Variants in EPHA6 observed in about 807,000 individuals in gnomAD.
EPHA6 encodes ephrin type-A receptor 6.
Under a neutral mutation model 112.0 loss-of-function variants are expected in EPHA6, and 50 were observed. The observed-to-expected ratio is 0.45, with a 90% CI of 0.36 to 0.56. The LOEUF is 0.56. Ranked by LOEUF, EPHA6 falls within the 20% of genes least tolerant of loss-of-function variation. The probability of loss-of-function intolerance (pLI) is 0.00; values close to 1 mark genes in which losing one functional copy is unlikely to be tolerated. For synonymous variants in EPHA6, 529 were observed against 490.7 expected, an observed-to-expected ratio of 1.08 and a Z score of -1.03; for missense variants, 1,280 against 1,417.4, an observed-to-expected ratio of 0.90 and a Z score of 1.56.
rs1214540454 is a variant in EPHA6 at position 97,179,761 on chromosome 3, C to CTCTCTT, written c.1115-46503_1115-46502insTCTCTT. Among the ~76,000 whole-genome samples the CTCTCTT allele has an allele frequency of 1.7e-3, 248 of 142,760 alleles. 2 individuals are homozygous for CTCTCTT. In the Middle Eastern group the frequency reaches 0.019, roughly 11 times the overall value. The allele number at this position is 142,760 out of a possible 152,430, so 93.7% of individuals were successfully genotyped here. A position where few individuals can be genotyped will look rare whatever the true frequency, so the allele number is the denominator to read the frequency against. Reference sequence around the variant, plus strand: ...TCTCTCTCTCTCTCTCTCTCTCTCTCCTGAACCACTTAAAGCTGGAGGTGG... The same window carrying CTCTCTT: ...TCTCTCTCTCTCTCTCTCTCTCTCTCTCTCTTCTGAACCACTTAAAGCTGGAGGTGG... On this transcript the variant is annotated intron_variant, in intron 3 of 17. Transcript: ENST00000389672.
chr3:97,066,221 A>C (rs1456235767), intron 3 of EPHA6, among the ~76,000 whole-genome samples: 1 of 152,046 alleles, frequency 6.6e-6, no homozygotes, highest in Non-Finnish European at 1.5e-5. Context: ...CATAGGCCTG[A>C]TAGAATATTT....
intron 3 of EPHA6, among the ~76,000 whole-genome samples, chr3:96,991,635 C>T (rs144612090): frequency 3.3e-4 from 51 of 152,300 alleles, no homozygotes; most frequent in African/African-American, 1.2e-3. Context: ...TCTCTGGATT[C>T]TCCTGATTAA....
In EPHA6 at chr3:97,141,586, C is replaced by A. The variant is rs538287163; in HGVS notation, c.1115-84678C>A. Among the ~76,000 whole-genome samples the A allele has an allele frequency of 6.6e-5, 10 of 152,056 alleles. No homozygotes were observed. The East Asian group carries it at 1.7e-3, about 26-fold the overall frequency. ...AACTAAGCAGATTGCTTCTGAATGACTTTTTGGTAAATGATGAAATTAAAT... is the reference window on the plus strand; with the variant it reads ...AACTAAGCAGATTGCTTCTGAATGAATTTTTGGTAAATGATGAAATTAAAT... On this transcript the variant is annotated intron_variant, in intron 3 of 17. Transcript: ENST00000389672.
chr3:97,399,011 A>G (rs1413965623), intron 5 of EPHA6, among the ~76,000 whole-genome samples: 1 of 151,570 alleles, frequency 6.6e-6, no homozygotes, highest in South Asian at 2.1e-4. Context: ...CTTATTAGCT[A>G]TAGTCACCTA....
At chr3:97,624,438 T>C (rs1446539764) in intron 13 of EPHA6, among the ~76,000 whole-genome samples, 10 of 151,638 alleles carry the variant, frequency 6.6e-5, no homozygotes, top group African/African-American at 2.2e-4. Context: ...AACATGCTGC[T>C]GAATTCCATC....
chr3:96,975,317 G>A (rs1471489403), intron 2 of EPHA6, among the ~76,000 whole-genome samples: 1 of 152,086 alleles, frequency 6.6e-6, no homozygotes, highest in African/African-American at 2.4e-5. Context: ...TAATTGGCTA[G>A]CAATGAGAAG....
At chr3:97,699,908 T>C (rs753401047) in intron 14 of EPHA6, among the ~76,000 whole-genome samples, 1 of 152,224 alleles carries the variant, frequency 6.6e-6, no homozygotes, top group Non-Finnish European at 1.5e-5. Flanking sequence ...GGCAGAAATA[T>C]TGATTATTTG....
intron 2 of EPHA6, among the ~76,000 whole-genome samples, chr3:96,944,173 C>T (rs924881837): frequency 2.4e-4 from 37 of 152,122 alleles, no homozygotes; most frequent in Admixed American, 2.0e-3. Context: ...ACCACTCCAC[C>T]AAAACAACTC....
intron 2 of EPHA6, among the ~76,000 whole-genome samples, chr3:96,925,722 C>T (rs537211621): frequency 1.4e-4 from 21 of 151,804 alleles, no homozygotes; most frequent in African/African-American, 5.1e-4. Context: ...TCTCCTGCCT[C>T]AGTCTTCTGA....
intron 12 of EPHA6, among the ~76,000 whole-genome samples, chr3:97,597,689 C>T (rs1576017169): frequency 6.6e-6 from 1 of 152,224 alleles, no homozygotes; most frequent in South Asian, 2.1e-4. Flanking sequence ...CAATATTTTC[C>T]TTTCCACATT....
chr3:97,018,806 G>GGGGAAA (rs1343914527), intron 3 of EPHA6, among the ~76,000 whole-genome samples: 1 of 152,102 alleles, frequency 6.6e-6, no homozygotes, highest in African/African-American at 2.4e-5. Flanking sequence ...AAACTCCCCT[G>GGGGAAA]GGGAAAGGGA....
At chr3:96,824,688 A>T (rs921495397) in intron 1 of EPHA6, among the ~76,000 whole-genome samples, 1 of 152,068 alleles carries the variant, frequency 6.6e-6, no homozygotes, top group Non-Finnish European at 1.5e-5. Context: ...TCAAAGTTAC[A>T]TGTATTCAGC....
At position 97,758,115 on chromosome 3, in the gene EPHA6, T is replaced by C. The variant is rs2036069271; in HGVS notation, c.*9414T>C. ...TCTCACTACTTACTGCTTATTCAGT[T>C]TGTAAAATCTTACCAAGTAGGATAC... On this transcript the variant is annotated 3_prime_UTR_variant, in exon 18 of 18. Transcript: ENST00000389672. Among the ~76,000 whole-genome samples the C allele has an allele frequency of 6.6e-6, 1 of 151,996 alleles. No individual in the cohort carries two copies. The highest frequency in any genetic ancestry group is 2.1e-4 in the South Asian group (1 of 4,836).
chr3:97,425,967 CT>C (rs1686056923), intron 6 of EPHA6, among the ~76,000 whole-genome samples: 2 of 152,150 alleles, frequency 1.3e-5, no homozygotes, highest in Non-Finnish European at 1.5e-5. Context: ...CCACTTCAGC[CT>C]GGACTTTATT....
chr3:97,139,965 A>G (rs1218764543), intron 3 of EPHA6, among the ~76,000 whole-genome samples: 1 of 152,100 alleles, frequency 6.6e-6, no homozygotes, highest in Non-Finnish European at 1.5e-5. Context: ...AGAAATAAGA[A>G]AAAATGATTT....
intron 5 of EPHA6, among the ~76,000 whole-genome samples, chr3:97,373,526 T>G (rs1401564865): frequency 6.6e-6 from 1 of 152,142 alleles, no homozygotes; most frequent in African/African-American, 2.4e-5. Context: ...ATTAGAATAT[T>G]ATTCCACAGT....
intron 3 of EPHA6, among the ~76,000 whole-genome samples, chr3:97,062,647 A>G (rs1233357231): frequency 6.6e-6 from 1 of 152,082 alleles, no homozygotes; most frequent in Non-Finnish European, 1.5e-5. Context: ...GTTCCCCCAT[A>G]CTGTTCTCAT....
intron 3 of EPHA6, among the ~76,000 whole-genome samples, chr3:97,168,290 T>A (rs1442383728): frequency 6.6e-6 from 1 of 152,194 alleles, no homozygotes; most frequent in South Asian, 2.1e-4. Context: ...TATAACACTT[T>A]GATATGGTTT....
chr3:97,016,779 C>T (rs539957788), intron 3 of EPHA6, among the ~76,000 whole-genome samples: 11 of 152,242 alleles, frequency 7.2e-5, no homozygotes, highest in Middle Eastern at 3.4e-3. Flanking sequence ...TGTTGGTTAA[C>T]GTGTTCTAGA....
Sources: allele counts gnomAD v4.1 joint callset (sites outside exome capture counted in the v4.1 genomes callset), GRCh38; gene constraint gnomAD v4.1.1; transcripts MANE v1.5; gene names NCBI Gene and HGNC (gene_info 2026-07-23, HGNC 2026-07-21).